AP1G1: variants seen among roughly 807,000 people sequenced by gnomAD.
The protein encoded by AP1G1 is AP-1 complex subunit gamma-1.
In AP1G1, 7 loss-of-function variants were observed where a neutral mutation model predicts 108.3. That is an observed-to-expected ratio of 0.06 (90% CI 0.04 to 0.12). The LOEUF (loss-of-function observed/expected upper bound fraction) is 0.12, where lower values mean the gene tolerates loss of function less well. Ranked by LOEUF, AP1G1 falls within the 10% of genes least tolerant of loss-of-function variation. The pLI, the probability that AP1G1 is intolerant of heterozygous loss-of-function variation, is 1.00. For synonymous variants in AP1G1, 379 were observed against 353.5 expected, an observed-to-expected ratio of 1.07 and a Z score of -0.81; for missense variants, 756 against 1,010.7, an observed-to-expected ratio of 0.75 and a Z score of 3.42.
At chr16:71,761,170 C>G (rs1941421586) in intron 10 of AP1G1, among the ~76,000 whole-genome samples, 4 of 152,164 alleles carry the variant, frequency 2.6e-5, no homozygotes, top group Admixed American at 2.6e-4. Context: ...AACACAGACA[C>G]ACTCATCATT....
rs1191132217 is a variant in AP1G1, at chr16:71,749,932, G to A, written c.1459C>T (p.Leu487Phe). The A allele has an allele frequency of 6.2e-7, 1 of 1,613,292 alleles. No individual in the cohort carries two copies. ...AWCIGEYGDL[L>F]VSGQCEEEEP... ...TCCTCTTCACACTGGCCAGATACAA[G>A]AAGATCACCATATTCACCTATACAC... The change falls in exon 15 of 23, where the codon CTT (leucine) becomes TTT (phenylalanine). Residue 487 changes from leucine (L) to phenylalanine (F), a missense_variant. This residue lies in a region of AP1G1 where 357 missense variants were observed against 366.5 expected (regional missense o/e 0.97). Transcript: ENST00000299980.
chr16:71,806,592 A>C lies in AP1G1; in HGVS notation c.-4+2171T>G. ...TTAAAGCATGAAAAACACTGAGTTA[A>C]CTAACATCTATGTGATAGCTCTTCT... On this transcript the variant is annotated intron_variant, in intron 1 of 22. Coordinates refer to ENST00000299980, the MANE Select transcript of AP1G1 (RefSeq NM_001128.6). 4 of 757,194 alleles carry C rather than the reference A, an allele frequency of 5.3e-6. No individual in the cohort carries two copies. In the South Asian group the frequency reaches 6.4e-5, roughly 12 times the overall value. The allele number at this position is 757,194 out of a possible 1,614,324, so 46.9% of individuals were successfully genotyped here. A position where few individuals can be genotyped will look rare whatever the true frequency, so the allele number is the denominator to read the frequency against.
intron 2 of AP1G1, among the ~76,000 whole-genome samples, chr16:71,780,125 C>G (rs2031954652): frequency 1.3e-5 from 2 of 151,578 alleles, no homozygotes; most frequent in African/African-American, 4.8e-5. Context: ...TCCCAAGTAG[C>G]TAAGACTACA....
At chr16:71,781,942 A>C (rs2032034907) in intron 2 of AP1G1, among the ~76,000 whole-genome samples, 1 of 152,170 alleles carries the variant, frequency 6.6e-6, no homozygotes, top group Non-Finnish European at 1.5e-5. Flanking sequence ...AGTGGTATGA[A>C]CTTTCACCAG....
intron 1 of AP1G1, among the ~76,000 whole-genome samples, chr16:71,790,613 G>A (rs550548401): frequency 6.6e-6 from 1 of 151,814 alleles, no homozygotes; most frequent in South Asian, 2.1e-4. Flanking sequence ...TTAACAAAGA[G>A]GCCAAAGTTA....
rs960164317 is a variant in AP1G1 at position 71,753,669 on chromosome 16, C to T, written c.1284+164G>A. 6 of 684,360 alleles carry T rather than the reference C, an allele frequency of 8.8e-6. No individual in the cohort carries two copies. In the East Asian group the frequency reaches 1.6e-4, roughly 18 times the overall value. The allele number at this position is 684,360 out of a possible 1,614,324, so 42.4% of individuals were successfully genotyped here. On this transcript the variant is annotated intron_variant, in intron 13 of 22. Transcript: ENST00000299980. Reference sequence around the variant, plus strand: ...ACCTTATCCTGCCATCATTATATTCCTCCATGCTGCTTTAGGTTTTTCTTC... The same window carrying T: ...ACCTTATCCTGCCATCATTATATTCTTCCATGCTGCTTTAGGTTTTTCTTC...
chr16:71,797,820 A>G (rs1005712914), intron 1 of AP1G1, among the ~76,000 whole-genome samples: 2 of 152,124 alleles, frequency 1.3e-5, no homozygotes, highest in African/African-American at 4.8e-5. Flanking sequence ...GTTACTTAAT[A>G]CTAAGATGAC....
At chr16:71,788,502 C>T (rs1454194701) in intron 2 of AP1G1, among the ~76,000 whole-genome samples, 2 of 152,174 alleles carry the variant, frequency 1.3e-5, no homozygotes, top group Non-Finnish European at 2.9e-5. Context: ...GCTGCCAGAT[C>T]TGCTCTAGTT....
At chr16:71,793,119 A>T (rs998823570) in intron 1 of AP1G1, among the ~76,000 whole-genome samples, 2 of 152,122 alleles carry the variant, frequency 1.3e-5, no homozygotes, top group African/African-American at 4.8e-5. Context: ...GTGAGCTGAG[A>T]TCAGGCCACT....
chr16:71,786,953 A>T (rs1453930448), intron 2 of AP1G1, among the ~76,000 whole-genome samples: 1 of 151,768 alleles, frequency 6.6e-6, no homozygotes, highest in Non-Finnish European at 1.5e-5. Context: ...GGCTGCAGTG[A>T]GCCCAGTAGA....
chr16:71,739,286 G>T lies in AP1G1; in HGVS notation c.2055C>A (p.Pro685=), dbSNP rs1024090504. Residue 685 remains proline, a synonymous_variant, in exon 20 of 23, where the codon CCC becomes CCA. Coordinates refer to ENST00000299980, the MANE Select transcript of AP1G1 (RefSeq NM_001128.6). ...PASVPQISQP[P]FLLDGLSSQP... ...GTGATGAAAGCCCATCCAACAAGAA[G>T]GGGGGCTGGGATATCTGTGGGACTG... The T allele has an allele frequency of 5.6e-6, 9 of 1,612,928 alleles. No homozygotes were observed. In the African/African-American group the frequency reaches 9.4e-5, roughly 17 times the overall value.
intron 1 of AP1G1, among the ~76,000 whole-genome samples, chr16:71,797,439 G>C (rs2032626479): frequency 6.6e-6 from 1 of 152,060 alleles, no homozygotes; most frequent in Non-Finnish European, 1.5e-5. Context: ...CTAGTAAGGT[G>C]TCATTCATTC....
At position 71,732,933 on chromosome 16, in the gene AP1G1, C is replaced by A; in HGVS notation, c.*125G>T. 2.9e-6 allele frequency: 2 copies of A among 694,982 alleles called. No homozygotes were observed. Among genetic ancestry groups the A allele is most frequent in the African/African-American group, 1.8e-5 (1 of 55,684 alleles). The allele number at this position is 694,982 out of a possible 1,614,324, so 43.1% of individuals were successfully genotyped here. ...CAGCAGTAACTTTAGGAAAATCCTCCTCAGCAGTTCTCTTCAGCTCCTCAT... is the reference window on the plus strand; with the variant it reads ...CAGCAGTAACTTTAGGAAAATCCTCATCAGCAGTTCTCTTCAGCTCCTCAT... On this transcript the variant is annotated 3_prime_UTR_variant, in exon 23 of 23. Coordinates refer to ENST00000299980, the MANE Select transcript of AP1G1 (RefSeq NM_001128.6).
chr16:71,802,005 G>GGTGTAAC (rs1455376395), intron 1 of AP1G1, among the ~76,000 whole-genome samples: 1 of 151,732 alleles, frequency 6.6e-6, no homozygotes, highest in Non-Finnish European at 1.5e-5. Context: ...ATGTACAAGT[G>GGTGTAAC]GTGTAACGCA....
At chr16:71,798,346 G>T (rs761665088) in intron 1 of AP1G1, among the ~76,000 whole-genome samples, 1 of 152,048 alleles carries the variant, frequency 6.6e-6, no homozygotes, top group African/African-American at 2.4e-5. Flanking sequence ...CTATAGGCGC[G>T]TGCCACCACG....
At chr16:71,733,250 T>A in intron 22 of AP1G1, 91 bp from the exon 23 acceptor site, 1 of 1,033,790 alleles carries the variant, frequency 9.7e-7, no homozygotes, top group South Asian at 1.5e-5. Flanking sequence ...ATCTTAGAGG[T>A]CAAAACTTAA....
chr16:71,776,120 C>A (rs1391242906), intron 2 of AP1G1, among the ~76,000 whole-genome samples: 2 of 152,160 alleles, frequency 1.3e-5, no homozygotes, highest in African/African-American at 4.8e-5. Flanking sequence ...CCTGTGTATA[C>A]AGGAAGCTAA....
chr16:71,759,189 T>C (rs964564590), intron 10 of AP1G1, among the ~76,000 whole-genome samples: 16 of 152,228 alleles, frequency 1.1e-4, no homozygotes, highest in African/African-American at 3.1e-4. Context: ...CCGGGCATGG[T>C]GGCTCACACC....
rs1197069133 is a variant in AP1G1, at chr16:71,756,895, C to A, written c.1089-736G>T. Among the ~76,000 whole-genome samples the A allele has an allele frequency of 5.6e-5, 8 of 141,916 alleles. No homozygotes were observed. The Admixed American group carries it at 5.8e-4, about 10-fold the overall frequency. The allele number at this position is 141,916 out of a possible 152,430, so 93.1% of individuals were successfully genotyped here. A position where few individuals can be genotyped will look rare whatever the true frequency, so the allele number is the denominator to read the frequency against. ...AGACAGAGATTGCAGTGAAGTGAGG[C>A]ACTCCAGCCTCGGAAACAGAGTGAG... On this transcript the variant is annotated intron_variant, in intron 11 of 22. Transcript: ENST00000299980.
Sources: allele counts gnomAD v4.1 joint callset (sites outside exome capture counted in the v4.1 genomes callset), GRCh38; gene constraint gnomAD v4.1.1; regional missense constraint gnomAD v4.1.1; transcripts MANE v1.5; gene names NCBI Gene and HGNC (gene_info 2026-07-23, HGNC 2026-07-21).